The following SLC9A9 variants were observed in gnomAD, a reference collection of about 807,000 sequenced individuals.
The protein encoded by SLC9A9 is solute carrier family 9 member A9.
In SLC9A9, 62 loss-of-function variants were observed where a neutral mutation model predicts 77.8. That is an observed-to-expected ratio of 0.80 (90% CI 0.65 to 0.98). The LOEUF (loss-of-function observed/expected upper bound fraction) is 0.98. SLC9A9 is among the 50% of genes least tolerant of loss of function. The probability of loss-of-function intolerance (pLI) is 0.00; values close to 1 mark genes in which losing one functional copy is unlikely to be tolerated. For missense variants in SLC9A9, 775 were observed against 774.9 expected (o/e 1.00, Z 0.00); for synonymous variants, 320 against 283.5 (o/e 1.13, Z -1.29).
chr3:143,439,263 A>C (rs1256152074), intron 12 of SLC9A9, among the ~76,000 whole-genome samples: 1 of 152,220 alleles, frequency 6.6e-6, no homozygotes, highest in Admixed American at 6.5e-5. Context: ...GATGTGCAGA[A>C]AGGTGAAATA....
intron 4 of SLC9A9, among the ~76,000 whole-genome samples, chr3:143,719,304 GGCCCAGGGCACCAAATGCACA>G (rs1227927960): frequency 6.6e-6 from 1 of 152,148 alleles, no homozygotes; most frequent in East Asian, 1.9e-4. Context: ...GGGATGCAGT[GGCCCAGGGCACCAAATGCACA>G]GGCAAGAGGC....
chr3:143,823,447 C>T (rs1240696098), intron 2 of SLC9A9, among the ~76,000 whole-genome samples: 1 of 152,124 alleles, frequency 6.6e-6, no homozygotes, highest in Non-Finnish European at 1.5e-5. Flanking sequence ...AGAACATCCT[C>T]ATGTCAGGCC....
intron 4 of SLC9A9, among the ~76,000 whole-genome samples, chr3:143,726,109 C>G (rs1395487011): frequency 6.6e-6 from 1 of 151,666 alleles, no homozygotes; most frequent in East Asian, 1.9e-4. Flanking sequence ...ATTAAAATTA[C>G]TTTGAGAAAT....
At chr3:143,471,835 T>C (rs917124127) in intron 11 of SLC9A9, among the ~76,000 whole-genome samples, 1 of 152,216 alleles carries the variant, frequency 6.6e-6, no homozygotes. Flanking sequence ...TTAAATGTGG[T>C]TTCATTTAAA....
At chr3:143,787,654 A>G (rs973313301) in intron 4 of SLC9A9, among the ~76,000 whole-genome samples, 3 of 152,096 alleles carry the variant, frequency 2.0e-5, no homozygotes, top group Non-Finnish European at 4.4e-5. Flanking sequence ...CTGCTGTGTA[A>G]TATTATGTTA....
In SLC9A9 at chr3:143,822,069, G is replaced by T. The variant is rs191395420; in HGVS notation, c.378+9950C>A. ...ACTTTCCAGAGTGACCCACATCAAA[G>T]AACAGAGCAATTTGGTGTTTTAGAG... On this transcript the variant is annotated intron_variant, in intron 2 of 15. Coordinates refer to ENST00000316549, the MANE Select transcript of SLC9A9 (RefSeq NM_173653.4). Among the ~76,000 whole-genome samples the T allele has an allele frequency of 4.8e-4, 73 of 152,306 alleles. 1 individual carries two copies. The South Asian group carries it at 9.3e-3, about 19-fold the overall frequency.
At chr3:143,657,557 T>C (rs528211315) in intron 5 of SLC9A9, among the ~76,000 whole-genome samples, 2 of 152,334 alleles carry the variant, frequency 1.3e-5, no homozygotes, top group African/African-American at 4.8e-5. Context: ...AATATGTTAC[T>C]TGCATTTTTT....
intron 14 of SLC9A9, among the ~76,000 whole-genome samples, chr3:143,280,290 G>T (rs1325468660): frequency 6.6e-6 from 1 of 152,156 alleles, no homozygotes; most frequent in Non-Finnish European, 1.5e-5. Context: ...TCCCACCCCA[G>T]CAATGTTGAC....
chr3:143,571,270 C>T (rs2037254327), intron 8 of SLC9A9, among the ~76,000 whole-genome samples: 1 of 152,186 alleles, frequency 6.6e-6, no homozygotes, highest in Non-Finnish European at 1.5e-5. Flanking sequence ...TTTAATAGCT[C>T]TTTCCATTTT....
At chr3:143,817,602 A>G (rs2009055566) in intron 2 of SLC9A9, among the ~76,000 whole-genome samples, 1 of 152,186 alleles carries the variant, frequency 6.6e-6, no homozygotes, top group Non-Finnish European at 1.5e-5. Flanking sequence ...TCTCTAATCC[A>G]TCTCGGATTT....
intron 14 of SLC9A9, among the ~76,000 whole-genome samples, chr3:143,279,425 T>A (rs1938150780): frequency 6.6e-6 from 1 of 152,212 alleles, no homozygotes; most frequent in Admixed American, 6.5e-5. Context: ...ATTTTTAAAT[T>A]TTTTTATTAC....
At chr3:143,743,531 T>C (rs74428972) in intron 4 of SLC9A9, among the ~76,000 whole-genome samples, 335 of 151,948 alleles carry the variant, frequency 2.2e-3, no homozygotes, top group Non-Finnish European at 3.5e-3. Flanking sequence ...GGGGGAAGAG[T>C]GTTCCAACTT....
chr3:143,828,066 C>T (rs2009344572), intron 2 of SLC9A9, among the ~76,000 whole-genome samples: 1 of 152,204 alleles, frequency 6.6e-6, no homozygotes, highest in African/African-American at 2.4e-5. Flanking sequence ...ATAATTTACT[C>T]AGGTCTCAGA....
At chr3:143,321,029 G>A (rs767937546) in intron 14 of SLC9A9, among the ~76,000 whole-genome samples, 3 of 152,186 alleles carry the variant, frequency 2.0e-5, no homozygotes, top group African/African-American at 7.2e-5. Flanking sequence ...GGCTAGAAGA[G>A]GCAAGGAAAG....
At position 143,552,032 on chromosome 3, in the gene SLC9A9, C is replaced by G. The variant is rs187651376; in HGVS notation, c.1089+330G>C. ...TCTTCATTTCCTTCTTTCTCTATAA[C>G]TACACAATCTCACATGCCTTATAAT... On this transcript the variant is annotated intron_variant, in intron 9 of 15. Transcript: ENST00000316549. 1.1e-3 allele frequency among the ~76,000 whole-genome samples: 163 copies of G among 152,320 alleles called. 2 individuals carry two copies. Among genetic ancestry groups the G allele is most frequent in the African/African-American group, 3.9e-3 (162 of 41,584 alleles).
intron 9 of SLC9A9, among the ~76,000 whole-genome samples, chr3:143,538,705 G>A (rs71307941): frequency 0.11 from 16,649 of 152,082 alleles, 1,124 homozygotes; most frequent in East Asian, 0.14. Context: ...CCGGCCCTAC[G>A]TTATAGGCCC....
At chr3:143,403,589 T>C (rs2033909097) in intron 12 of SLC9A9, among the ~76,000 whole-genome samples, 1 of 152,212 alleles carries the variant, frequency 6.6e-6, no homozygotes, top group African/African-American at 2.4e-5. Flanking sequence ...TTGTTTTCCT[T>C]TCTGAAAGAT....
chr3:143,823,545 G>C (rs1357124323), intron 2 of SLC9A9, among the ~76,000 whole-genome samples: 2 of 152,018 alleles, frequency 1.3e-5, no homozygotes, highest in Non-Finnish European at 2.9e-5. Context: ...TGCTTGAGGG[G>C]ATGGCTTTCC....
chr3:143,796,931 A>G, intron 2 of SLC9A9, 28 bp from the exon 3 acceptor site: 1 of 1,549,696 alleles, frequency 6.5e-7, no homozygotes, highest in South Asian at 1.1e-5. Context: ...AAGGATAGTT[A>G]GAATGATGCT....
Sources: allele counts gnomAD v4.1 joint callset (sites outside exome capture counted in the v4.1 genomes callset), GRCh38; gene constraint gnomAD v4.1.1; transcripts MANE v1.5; gene names NCBI Gene and HGNC (gene_info 2026-07-23, HGNC 2026-07-21).